BRSK2: variants seen among roughly 807,000 people sequenced by gnomAD.
The protein encoded by BRSK2 is BR serine/threonine kinase 2.
In BRSK2, 19 loss-of-function variants were observed where a neutral mutation model predicts 83.3. The observed-to-expected ratio is 0.23, with a 90% CI of 0.16 to 0.33. The LOEUF (loss-of-function observed/expected upper bound fraction) is 0.33. Ranked by LOEUF, BRSK2 falls within the 10% of genes least tolerant of loss-of-function variation. The pLI, the probability that BRSK2 is intolerant of heterozygous loss-of-function variation, is 1.00. For synonymous variants in BRSK2, 519 were observed against 435.4 expected (o/e 1.19, Z -2.39); for missense variants, 798 against 1,042.3 (o/e 0.77, Z 3.23).
intron 18 of BRSK2, among the ~76,000 whole-genome samples, chr11:1,458,896 ACC>A (rs1847011575): frequency 6.6e-6 from 1 of 152,136 alleles, no homozygotes; most frequent in African/African-American, 2.4e-5. Flanking sequence ...CACCCAGGGC[ACC>A]GGCCATATCC....
At chr11:1,456,323 C>T (rs777833133) in intron 16 of BRSK2, 25 bp from the exon 17 acceptor site, 65 of 1,531,526 alleles carry the variant, frequency 4.2e-5, no homozygotes, top group South Asian at 2.0e-4. Flanking sequence ...AGGCCAGCCA[C>T]GCTCACGCTG....
intron 1 of BRSK2, among the ~76,000 whole-genome samples, chr11:1,424,738 G>GGT (rs1554895437): frequency 4.7e-5 from 3 of 63,894 alleles, no homozygotes; most frequent in Admixed American, 2.6e-4. Context: ...AGAGGGAGTC[G>GGT]GGGGGGCCAG....
At chr11:1,429,117 G>T (rs1376359748) in intron 1 of BRSK2, among the ~76,000 whole-genome samples, 4 of 149,630 alleles carry the variant, frequency 2.7e-5, no homozygotes, top group African/African-American at 7.4e-5. Flanking sequence ...CGGTGTGTGG[G>T]TGTGTGCACT....
chr11:1,396,565 G>A (rs900392514), intron 1 of BRSK2, among the ~76,000 whole-genome samples: 2 of 152,244 alleles, frequency 1.3e-5, no homozygotes, highest in Non-Finnish European at 2.9e-5. Context: ...AGTGGGCTGT[G>A]CCTCCCCGTC....
intron 14 of BRSK2, 71 bp downstream of exon 14, chr11:1,450,865 C>T: frequency 2.1e-6 from 3 of 1,414,868 alleles, no homozygotes; most frequent in Non-Finnish European, 2.8e-6. Flanking sequence ...AGGGCCCCGC[C>T]CGGCAGTGCC....
intron 1 of BRSK2, among the ~76,000 whole-genome samples, chr11:1,393,525 C>A (rs1350130851): frequency 6.6e-6 from 1 of 152,186 alleles, no homozygotes; most frequent in African/African-American, 2.4e-5. Context: ...GAGGGGCTGC[C>A]CTGCAGCTCA....
chr11:1,438,531 C>T lies in BRSK2; in HGVS notation c.272+140C>T. ...ATCCCAGCAGCCCTGGCCCTGCTAG[C>T]ATGAACACCTGCCTGGGTAGGGTCT... is the stretch of plus-strand genomic sequence containing the variant. On this transcript the variant is annotated intron_variant, in intron 3 of 19. Coordinates refer to ENST00000528841, the MANE Select transcript of BRSK2 (RefSeq NM_001256627.2). The surrounding 1 kb of genome is among the most constrained non-coding windows in gnomAD (Gnocchi z 6.4). The T allele has an allele frequency of 1.4e-6, 1 of 717,428 alleles. No homozygotes were observed. Among genetic ancestry groups the T allele is most frequent in the East Asian group, 2.7e-5 (1 of 37,116 alleles). 44.4% of individuals were successfully genotyped at this position (717,428 alleles called of 1,614,324 possible).
chr11:1,444,905 C>G, intron 8 of BRSK2, 66 bp from the exon 9 acceptor site: 1 of 1,502,442 alleles, frequency 6.7e-7, no homozygotes, highest in Non-Finnish European at 9.2e-7. Context: ...CCTTCCCCCT[C>G]ACCTCCTAAT....
At chr11:1,411,305 C>A (rs867907768) in intron 1 of BRSK2, 2 of 1,337,522 alleles carry the variant, frequency 1.5e-6, no homozygotes, top group Middle Eastern at 5.0e-4. Flanking sequence ...ATGGCCTGCC[C>A]GGGTGGGGTC....
At chr11:1,417,362 C>G (rs903689870) in intron 1 of BRSK2, among the ~76,000 whole-genome samples, 31 of 152,308 alleles carry the variant, frequency 2.0e-4, no homozygotes, top group African/African-American at 7.2e-4. Context: ...TTCTATTGTA[C>G]CCACGCTGCT....
chr11:1,419,078 G>A (rs1239286851), intron 1 of BRSK2, among the ~76,000 whole-genome samples: 1 of 152,158 alleles, frequency 6.6e-6, no homozygotes, highest in Non-Finnish European at 1.5e-5. Context: ...GGGCACCAGG[G>A]TGGGCCTTTG....
At chr11:1,422,370 AG>A (rs1414063717) in intron 1 of BRSK2, among the ~76,000 whole-genome samples, 1 of 151,528 alleles carries the variant, frequency 6.6e-6, no homozygotes, top group African/African-American at 2.4e-5. Flanking sequence ...TGCTCTGGGG[AG>A]GGGTGGGGGT....
chr11:1,392,232 C>T (rs899862834), intron 1 of BRSK2, among the ~76,000 whole-genome samples: 6 of 152,206 alleles, frequency 3.9e-5, no homozygotes, highest in Non-Finnish European at 8.8e-5. Context: ...AGGTCCCAAG[C>T]TCAAGAGGGA....
rs540036826 is a variant in BRSK2 at position 1,445,962 on chromosome 11, A to T, written c.1226+55A>T. 1,861 of 1,540,162 alleles carry T rather than the reference A, an allele frequency of 1.2e-3. 62 individuals are homozygous for T. The Admixed American group carries it at 0.034, about 28-fold the overall frequency. On this transcript the variant is annotated intron_variant, in intron 12 of 19. Transcript: ENST00000528841. ...CCTCCCTGGGCCCTGGCTGCGCGGC[A>T]CTGCCGCCTGGCTCATCGCTACCCA... is the stretch of plus-strand genomic sequence containing the variant.
In BRSK2 at chr11:1,460,587, C is replaced by G; in HGVS notation, c.2075C>G (p.Pro692Arg). The G allele has an allele frequency of 6.5e-7, 1 of 1,533,422 alleles. No individual in the cohort carries two copies. Among genetic ancestry groups the G allele is most frequent in the Non-Finnish European group, 8.7e-7 (1 of 1,145,326 alleles). 95.0% of individuals were successfully genotyped at this position (1,533,422 alleles called of 1,614,324 possible). A position where few individuals can be genotyped will look rare whatever the true frequency, so the allele number is the denominator to read the frequency against. ...CAGGCGGCCCAGGCCCCCAGCACGC[C>G]CGCCAAGCGGAGTGCCCACGGCCCA... ...NGQAAQAPST[P>R]AKRSAHGPLG... The change falls in exon 20 of 20, where the codon CCC (proline) becomes CGC (arginine). Residue 692 changes from proline (P) to arginine (R), a missense_variant. This residue lies in a region of BRSK2 where 455 missense variants were observed against 455.2 expected (regional missense o/e 1.00). Transcript: ENST00000528841.
intron 2 of BRSK2, among the ~76,000 whole-genome samples, chr11:1,437,176 G>T (rs1321209951): frequency 6.6e-6 from 1 of 151,994 alleles, no homozygotes; most frequent in African/African-American, 2.4e-5. Context: ...GGAGGTGCCT[G>T]TGAGCCCCGA....
intron 16 of BRSK2, among the ~76,000 whole-genome samples, chr11:1,455,506 G>A: frequency 1.3e-5 from 2 of 152,020 alleles, no homozygotes; most frequent in Non-Finnish European, 2.9e-5. Context: ...GGCCACTGCT[G>A]CCCTGGCTGC....
chr11:1,447,820 C>A (rs745476368), intron 12 of BRSK2: 1 of 1,597,450 alleles, frequency 6.3e-7, no homozygotes, highest in Non-Finnish European at 8.5e-7. Flanking sequence ...CAGTAAAAGC[C>A]TGGATATCGC....
At chr11:1,459,774 G>C (rs887648575) in intron 19 of BRSK2, among the ~76,000 whole-genome samples, 3 of 152,172 alleles carry the variant, frequency 2.0e-5, no homozygotes, top group Non-Finnish European at 2.9e-5. Context: ...CCAGGGACCC[G>C]GGACATGACT....
Sources: allele counts gnomAD v4.1 joint callset (sites outside exome capture counted in the v4.1 genomes callset), GRCh38; gene constraint gnomAD v4.1.1; regional missense constraint gnomAD v4.1.1; non-coding constraint Gnocchi (gnomAD v3.1); transcripts MANE v1.5; gene names NCBI Gene and HGNC (gene_info 2026-07-23, HGNC 2026-07-21).